The following VSTM4 variants were observed in gnomAD, a reference collection of about 807,000 sequenced individuals.
The protein encoded by VSTM4 is V-set and transmembrane domain containing 4.
Under a neutral mutation model 36.4 loss-of-function variants are expected in VSTM4, and 20 were observed. The observed-to-expected ratio is 0.55, with a 90% CI of 0.39 to 0.80. The LOEUF is 0.80. Ranked by LOEUF, VSTM4 falls within the 30% of genes least tolerant of loss-of-function variation. The pLI, the probability that VSTM4 is intolerant of heterozygous loss-of-function variation, is 0.00. For synonymous variants in VSTM4, 182 were observed against 173.9 expected, an observed-to-expected ratio of 1.05 and a Z score of -0.37; for missense variants, 392 against 404.5, an observed-to-expected ratio of 0.97 and a Z score of 0.26.
intron 5 of VSTM4, among the ~76,000 whole-genome samples, chr10:49,050,491 C>A (rs930209610): frequency 6.6e-6 from 1 of 152,100 alleles, no homozygotes; most frequent in Non-Finnish European, 1.5e-5. Flanking sequence ...GGATAAATTC[C>A]AAGAATACAG....
intron 2 of VSTM4, among the ~76,000 whole-genome samples, chr10:49,088,369 C>T (rs1844410808): frequency 6.6e-6 from 1 of 152,204 alleles, no homozygotes; most frequent in South Asian, 2.1e-4. Context: ...AATATCTGAC[C>T]TTGCATGTGA....
At chr10:49,111,750 G>C (rs940432241) in intron 1 of VSTM4, among the ~76,000 whole-genome samples, 1 of 152,162 alleles carries the variant, frequency 6.6e-6, no homozygotes, top group African/African-American at 2.4e-5. Flanking sequence ...CAACATTCCT[G>C]ACCTTGTGCA....
intron 7 of VSTM4, among the ~76,000 whole-genome samples, chr10:49,040,760 C>T (rs1843509166): frequency 1.3e-5 from 2 of 152,190 alleles, no homozygotes; most frequent in African/African-American, 4.8e-5. Flanking sequence ...CACCCAGAGC[C>T]TATAAATCAC....
chr10:49,105,925 A>G (rs140698384), intron 2 of VSTM4, among the ~76,000 whole-genome samples: 15 of 152,100 alleles, frequency 9.9e-5, no homozygotes, highest in Non-Finnish European at 1.8e-4. Flanking sequence ...TTCACAGCCA[A>G]GTGGTATTTG....
Position 49,016,931 on chromosome 10 carries a change from G to C in VSTM4, c.*2719C>G, listed in dbSNP as rs1843113145. The stretch of plus-strand genomic sequence containing the variant: ...GGCCAAAACTCACCACCAAATCTGA[G>C]AGCATCTGCTGTCTGCCTGAAAGAA... On this transcript the variant is annotated 3_prime_UTR_variant, in exon 8 of 8. Coordinates refer to ENST00000332853, the MANE Select transcript of VSTM4 (RefSeq NM_001031746.5). The C allele has an allele frequency of 6.6e-6, 1 of 152,380 alleles. No individual in the cohort carries two copies. The highest frequency in any genetic ancestry group is 6.5e-5 in the Admixed American group (1 of 15,286). 9.4% of individuals were successfully genotyped at this position (152,380 alleles called of 1,614,324 possible).
chr10:49,054,831 T>C (rs1056112219), intron 5 of VSTM4, among the ~76,000 whole-genome samples: 2 of 152,182 alleles, frequency 1.3e-5, no homozygotes, highest in Non-Finnish European at 2.9e-5. Context: ...ATGGTCCTTC[T>C]AATATAGTCT....
chr10:49,105,270 A>G (rs1590136172), intron 2 of VSTM4, among the ~76,000 whole-genome samples: 1 of 146,966 alleles, frequency 6.8e-6, no homozygotes, highest in East Asian at 2.2e-4. Context: ...CCAGAAACAG[A>G]GAGACAGAGA....
intron 5 of VSTM4, among the ~76,000 whole-genome samples, chr10:49,054,421 A>T (rs1010817779): frequency 3.9e-5 from 6 of 152,230 alleles, no homozygotes; most frequent in African/African-American, 1.2e-4. Flanking sequence ...CAACCCAGGT[A>T]GTGGGGTCTT....
At chr10:49,038,180 C>T (rs1312555161) in intron 7 of VSTM4, among the ~76,000 whole-genome samples, 1 of 152,184 alleles carries the variant, frequency 6.6e-6, no homozygotes, top group Non-Finnish European at 1.5e-5. Flanking sequence ...CAGCATTAGT[C>T]ACAACAGCCA....
At chr10:49,044,692 T>C (rs1247741170) in intron 7 of VSTM4, among the ~76,000 whole-genome samples, 1 of 152,208 alleles carries the variant, frequency 6.6e-6, no homozygotes, top group Non-Finnish European at 1.5e-5. Flanking sequence ...TTAAACAGAA[T>C]AGAAGTTCTA....
chr10:49,102,734 A>G (rs2132020395), intron 2 of VSTM4: 1 of 985,492 alleles, frequency 1.0e-6, no homozygotes, highest in East Asian at 1.1e-4. Context: ...CATCCACAGC[A>G]ACAGTTGCTA....
At chr10:49,035,669 C>CAAAAAAAAAAA in intron 7 of VSTM4, among the ~76,000 whole-genome samples, 2 of 69,290 alleles carry the variant, frequency 2.9e-5, no homozygotes, top group Non-Finnish European at 4.9e-5. Flanking sequence ...CCCAGCTCCA[C>CAAAAAAAAAAA]AAAAAAAAAA....
Position 49,115,481 on chromosome 10 carries a change from C to G in VSTM4, c.5G>C (p.Arg2Pro). 3.9e-6 allele frequency: 4 copies of G among 1,019,264 alleles called. No individual in the cohort carries two copies. Among genetic ancestry groups the G allele is most frequent in the Non-Finnish European group, 3.5e-6 (3 of 849,892 alleles). The allele number at this position is 1,019,264 out of a possible 1,614,324, so 63.1% of individuals were successfully genotyped here. A position where few individuals can be genotyped will look rare whatever the true frequency, so the allele number is the denominator to read the frequency against. Residue 2 changes from arginine (R) to proline (P), a missense_variant, in exon 1 of 8, where the codon CGG becomes CCG. Physicochemically the swap from Arg to Pro is moderately radical, Grantham distance 103 (BLOSUM62 -2). Transcript: ENST00000332853. ...CGCGGCCGCCGCCAGTGCCAGCAGC[C>G]GCATCTCCCCGCCGCCGCCCGGCGC... M[R>P]LLALAAAALL...
At chr10:49,106,013 T>C (rs1348202668) in intron 2 of VSTM4, among the ~76,000 whole-genome samples, 4 of 152,166 alleles carry the variant, frequency 2.6e-5, no homozygotes, top group Non-Finnish European at 4.4e-5. Context: ...TAGTCATTGG[T>C]TTTCTTGAAT....
intron 4 of VSTM4, among the ~76,000 whole-genome samples, chr10:49,073,900 C>T (rs79486205): frequency 0.02 from 3,000 of 152,306 alleles, 88 homozygotes; most frequent in South Asian, 0.12. Flanking sequence ...TTTCTCCATG[C>T]TAATGCACAA....
chr10:49,074,385 C>T (rs1018903382), intron 4 of VSTM4, among the ~76,000 whole-genome samples: 1 of 152,184 alleles, frequency 6.6e-6, no homozygotes, highest in African/African-American at 2.4e-5. Context: ...GCTCTAAGGC[C>T]TTGCTACTCC....
intron 5 of VSTM4, chr10:49,064,038 C>T (rs1397936932): frequency 6.6e-6 from 1 of 152,210 alleles, no homozygotes; most frequent in Non-Finnish European, 1.5e-5. Context: ...TCTGGGTGAC[C>T]TTCTGCTGTT....
Position 49,019,526 on chromosome 10 carries a change from G to C in VSTM4, c.*124C>G. On this transcript the variant is annotated 3_prime_UTR_variant, in exon 8 of 8. Transcript: ENST00000332853. ...CTTCAAAGGCACCCAGAATGCTGCT[G>C]AAAAGGGGCTCCCCACCACTCAGAA... 2.2e-6 allele frequency: 3 copies of C among 1,375,040 alleles called. No individual in the cohort carries two copies. The highest frequency in any genetic ancestry group is 2.9e-6 in the Non-Finnish European group (3 of 1,050,370). 85.2% of individuals were successfully genotyped at this position (1,375,040 alleles called of 1,614,324 possible).
In VSTM4 at chr10:49,019,624, A is replaced by G. The variant is rs760831425; in HGVS notation, c.*26T>C. 1 of 1,586,294 alleles carries G rather than the reference A, an allele frequency of 6.3e-7. No homozygotes were observed. Among genetic ancestry groups the G allele is most frequent in the Admixed American group, 1.8e-5 (1 of 55,838 alleles). ...TAAATCACTGGGTGGCAGGTATTAA[A>G]TAGAACCTTGGAGGTGGACGCTGTA... On this transcript the variant is annotated 3_prime_UTR_variant, in exon 8 of 8. Transcript: ENST00000332853.
Sources: gnomAD v4.1 joint callset for allele counts (sites outside exome capture counted in the v4.1 genomes callset) on GRCh38, gnomAD v4.1.1 for gene constraint, MANE v1.5 for transcripts, NCBI Gene and HGNC (gene_info 2026-07-23, HGNC 2026-07-21) for gene names.